The following NOD1 variants were observed in gnomAD, a reference collection of about 807,000 sequenced individuals.
The protein encoded by NOD1 is nucleotide binding oligomerization domain containing 1, also known as nucleotide-binding oligomerization domain-containing protein 1.
NOD1 carries 70 observed loss-of-function variants against 81.2 expected under a neutral mutation model. That is an observed-to-expected ratio of 0.86 (90% CI 0.71 to 1.05). The LOEUF is 1.05. Among genes scored for constraint, NOD1 ranks in the 50% least tolerant of loss-of-function variants. The probability of loss-of-function intolerance (pLI) is 0.00; values close to 1 mark genes in which losing one functional copy is unlikely to be tolerated. For synonymous variants in NOD1, 508 were observed against 526.9 expected (o/e 0.96, Z 0.49); for missense variants, 1,233 against 1,228.0 (o/e 1.00, Z -0.06).
chr7:30,475,730 G>C (rs895911699), intron 1 of NOD1: 1 of 152,196 alleles, frequency 6.6e-6, no homozygotes, highest in Non-Finnish European at 1.5e-5. Context: ...TTTGGACTGT[G>C]GCAGTTCCAG....
At chr7:30,446,301 G>T in intron 8 of NOD1, 77 bp from the exon 9 acceptor site, 1 of 1,061,062 alleles carries the variant, frequency 9.4e-7, no homozygotes, top group Non-Finnish European at 1.5e-6. Context: ...CCCCAGCACA[G>T]AGCCCCTTCC....
chr7:30,476,169 C>T (rs1161958381), intron 1 of NOD1, among the ~76,000 whole-genome samples: 1 of 152,198 alleles, frequency 6.6e-6, no homozygotes, highest in Non-Finnish European at 1.5e-5. Context: ...ATCCTACGTT[C>T]ATATCTTAGA....
intron 10 of NOD1, among the ~76,000 whole-genome samples, chr7:30,437,221 T>C (rs1784452494): frequency 1.3e-5 from 2 of 151,564 alleles, no homozygotes; most frequent in South Asian, 2.1e-4. Flanking sequence ...CCAGGGCCTG[T>C]TGGGGGTGGG....
At chr7:30,453,577 C>T (rs1583778793) in intron 5 of NOD1, among the ~76,000 whole-genome samples, 1 of 152,128 alleles carries the variant, frequency 6.6e-6, no homozygotes, top group African/African-American at 2.4e-5. Context: ...TGCCACCAAG[C>T]CCAACTAATT....
chr7:30,454,789 T>C (rs1481869671), intron 5 of NOD1, among the ~76,000 whole-genome samples: 3 of 152,098 alleles, frequency 2.0e-5, no homozygotes, highest in Non-Finnish European at 2.9e-5. Context: ...TGTGCTACCA[T>C]GTCCAGCTAA....
At chr7:30,466,085 AT>A (rs1787662752) in intron 1 of NOD1, among the ~76,000 whole-genome samples, 3 of 152,214 alleles carry the variant, frequency 2.0e-5, no homozygotes, top group African/African-American at 7.2e-5. Flanking sequence ...AAGGCCAGTG[AT>A]TTTATGAACA....
intron 11 of NOD1, 103 bp from the exon 12 acceptor site, chr7:30,433,282 C>T (rs1784102375): frequency 1.2e-6 from 1 of 825,102 alleles, no homozygotes; most frequent in African/African-American, 1.7e-5. Context: ...TCCAGCTATG[C>T]AGATGATCAC....
chr7:30,457,098 C>A (rs777153254), intron 3 of NOD1, 56 bp from the exon 4 acceptor site: 1 of 606,974 alleles, frequency 1.6e-6, no homozygotes, highest in Non-Finnish European at 2.9e-6. Context: ...GAGCTCACCC[C>A]ACCTCCCACT....
intron 4 of NOD1, 128 bp from the exon 5 acceptor site, chr7:30,455,439 A>T: frequency 1.5e-6 from 1 of 660,464 alleles, no homozygotes; most frequent in Non-Finnish European, 2.5e-6. Context: ...CCATCCCCCC[A>T]GCTGCTGTGA....
chr7:30,435,989 A>C lies in NOD1; in HGVS notation c.2621+9T>G. On this transcript the variant is annotated intron_variant, in intron 11 of 13. Coordinates refer to ENST00000222823, the MANE Select transcript of NOD1 (RefSeq NM_006092.4). ...ACAAACAAACAAATGAAATGACTCG[A>C]GCTATTACCACAGTATTTCTAGAGA... The C allele has an allele frequency of 6.2e-7, 1 of 1,607,472 alleles. No individual in the cohort carries two copies. The highest frequency in any genetic ancestry group is 1.1e-5 in the South Asian group (1 of 90,982).
rs377406926 is a variant in NOD1, at chr7:30,460,462, T to C, written c.-351-421A>G. On this transcript the variant is annotated intron_variant, in intron 1 of 13. Transcript: ENST00000222823. ...TATCTGGGAGCTGGGTCTGCTCTCC[T>C]GGGTGGAGCTTTCCCAGGCCAGTGG... is the stretch of plus-strand genomic sequence containing the variant. 1.5e-5 allele frequency: 15 copies of C among 985,320 alleles called. No homozygotes were observed. In the African/African-American group the frequency reaches 2.6e-4, roughly 17 times the overall value. The allele number at this position is 985,320 out of a possible 1,614,324, so 61.0% of individuals were successfully genotyped here.
chr7:30,465,065 T>C (rs1346522310), intron 1 of NOD1, among the ~76,000 whole-genome samples: 1 of 151,828 alleles, frequency 6.6e-6, no homozygotes, highest in Non-Finnish European at 1.5e-5. Flanking sequence ...GAATCACAAG[T>C]ATGGTGAATG....
rs145275692 is a variant in NOD1 at position 30,452,822 on chromosome 7, A to G, written c.595T>C (p.Phe199Leu). Residue 199 changes from phenylalanine to leucine, a missense_variant, in exon 6 of 14, where the codon TTC (phenylalanine) becomes CTC (leucine). Transcript: ENST00000222823. ...CCCACCCCAGCATCACCCAGGATGA[A>G]GATGGTCTCACCCTGCTCATTGAGG... Reference protein sequence around the residue: ...GILNEQGETIFILGDAGVGKS... With the variant: ...GILNEQGETILILGDAGVGKS... The G allele has an allele frequency of 6.9e-5, 111 of 1,613,948 alleles. No individual in the cohort carries two copies. Among genetic ancestry groups the G allele is most frequent in the Non-Finnish European group, 9.0e-5 (106 of 1,179,948 alleles).
At chr7:30,474,213 A>AATCATCATAATCTTT (rs1285445785) in intron 1 of NOD1, among the ~76,000 whole-genome samples, 2 of 152,264 alleles carry the variant, frequency 1.3e-5, no homozygotes, top group Non-Finnish European at 2.9e-5. Context: ...GAACCAAAGT[A>AATCATCATAATCTTT]ATCATCATAA....
chr7:30,439,380 C>T lies in NOD1; in HGVS notation c.2454-1724G>A, dbSNP rs1480694460. ...TCACTAGGGAGCGCCAGACAGTGGG[C>T]GCAGGCCAGTGTGTGCGCGCACCGT... On this transcript the variant is annotated intron_variant, in intron 9 of 13. Coordinates refer to ENST00000222823, the MANE Select transcript of NOD1 (RefSeq NM_006092.4). Among the ~76,000 whole-genome samples the T allele has an allele frequency of 2.0e-4, 27 of 138,178 alleles. 1 individual carries two copies. Among genetic ancestry groups the T allele is most frequent in the Middle Eastern group, 7.3e-3 (2 of 274 alleles). The allele number at this position is 138,178 out of a possible 152,430, so 90.7% of individuals were successfully genotyped here. A position where few individuals can be genotyped will look rare whatever the true frequency, so the allele number is the denominator to read the frequency against.
Position 30,467,544 on chromosome 7 carries a change from C to T in NOD1, c.-351-7503G>A, listed in dbSNP as rs546935162. ...AATGCTTGGTCTTCATTAAACTAAA[C>T]GATGGTTCATTAAGACCAAACAAAC... On this transcript the variant is annotated intron_variant, in intron 1 of 13. Transcript: ENST00000222823. The surrounding 1 kb of genome is among the most constrained non-coding windows in gnomAD (Gnocchi z 4.5). Among the ~76,000 whole-genome samples the T allele has an allele frequency of 3.9e-5, 6 of 152,244 alleles. No homozygotes were observed. Among genetic ancestry groups the T allele is most frequent in the East Asian group, 1.9e-4 (1 of 5,182 alleles).
intron 3 of NOD1, among the ~76,000 whole-genome samples, chr7:30,458,280 T>C (rs975383665): frequency 6.6e-6 from 1 of 152,106 alleles, no homozygotes; most frequent in Non-Finnish European, 1.5e-5. Context: ...AATACTTGCG[T>C]GTGTAAAATG....
At chr7:30,446,091 C>CA (rs774277953) in intron 9 of NOD1, 50 bp downstream of exon 9, 2 of 1,396,300 alleles carry the variant, frequency 1.4e-6, no homozygotes, top group African/African-American at 1.4e-5. Context: ...AGGCCCGCCC[C>CA]CCACACACAC....
chr7:30,434,992 A>G (rs2128001427), intron 11 of NOD1, among the ~76,000 whole-genome samples: 1 of 151,948 alleles, frequency 6.6e-6, no homozygotes, highest in African/African-American at 2.4e-5. Context: ...GCTAGTCTCG[A>G]ACTCTTGGCC....
Sources: gnomAD v4.1 joint callset for allele counts (sites outside exome capture counted in the v4.1 genomes callset) on GRCh38, gnomAD v4.1.1 for gene constraint, Gnocchi (gnomAD v3.1) non-coding constraint, MANE v1.5 for transcripts, NCBI Gene and HGNC (gene_info 2026-07-23, HGNC 2026-07-21) for gene names.